The following EPB41L4A variants were observed in gnomAD, a reference collection of about 807,000 sequenced individuals.
The protein encoded by EPB41L4A is erythrocyte membrane protein band 4.1 like 4A.
EPB41L4A carries 100 observed loss-of-function variants against 108.6 expected under a neutral mutation model. That is an observed-to-expected ratio of 0.92 (90% CI 0.78 to 1.09). The LOEUF (loss-of-function observed/expected upper bound fraction) is 1.09, where lower values mean the gene tolerates loss of function less well. Ranked by LOEUF, EPB41L4A falls within the 50% of genes least tolerant of loss-of-function variation. The pLI is 0.00. For missense variants in EPB41L4A, 1,030 were observed against 842.7 expected, an observed-to-expected ratio of 1.22 and a Z score of -2.75; for synonymous variants, 319 against 289.0, an observed-to-expected ratio of 1.10 and a Z score of -1.05.
chr5:112,259,729 T>A (rs747462865), intron 8 of EPB41L4A, among the ~76,000 whole-genome samples, 162 bp downstream of exon 8: 2 of 152,178 alleles, frequency 1.3e-5, no homozygotes, highest in Non-Finnish European at 2.9e-5. Context: ...AGAGAAAACA[T>A]ATGCTGAGGT....
downstream of EPB41L4A, chr5:112,161,326 G>A (rs1759886897): frequency 2.7e-6 from 1 of 366,094 alleles, no homozygotes; most frequent in Non-Finnish European, 5.4e-6. Flanking sequence ...AAGACCAGTC[G>A]CCATTTAAAA....
At chr5:112,322,246 A>G (rs1345246080) in intron 1 of EPB41L4A, among the ~76,000 whole-genome samples, 1 of 152,208 alleles carries the variant, frequency 6.6e-6, no homozygotes, top group Non-Finnish European at 1.5e-5. Flanking sequence ...TATTTTCCTC[A>G]TTTTAGAGAC....
At chr5:112,168,008 AC>A (rs1760356229) in intron 22 of EPB41L4A, among the ~76,000 whole-genome samples, 1 of 152,222 alleles carries the variant, frequency 6.6e-6, no homozygotes, top group South Asian at 2.1e-4. Context: ...CCACAACACG[AC>A]GAACAACGGG....
rs184815023 is a variant in EPB41L4A, at chr5:112,151,362, T to C, written n.995-5364A>G. On this transcript the variant is annotated intron_variant and non_coding_transcript_variant, in intron 12 of 13. Coordinates refer to the EPB41L4A transcript ENST00000507810. ...TCTAAGGTCCTTGTTTTTTTTTTTA[T>C]TCAAGAAGAGGATAAATATATATTT... 2.0e-3 allele frequency among the ~76,000 whole-genome samples: 286 copies of C among 146,380 alleles called. 1 individual carries two copies. The highest frequency in any genetic ancestry group is 6.9e-3 in the African/African-American group (264 of 38,272).
rs780273943 is a variant in EPB41L4A, at chr5:112,170,329, A to G, written c.1711T>C (p.Leu571=). Residue 571 remains leucine, a synonymous_variant, in exon 20 of 23, where the codon TTA becomes CTA. Transcript: ENST00000261486. ...ATTTTAGTGTATGGAATCTCTTTTAATTGTTCTTCGGACAATCCGGATGGA... is the reference window on the plus strand; with the variant it reads ...ATTTTAGTGTATGGAATCTCTTTTAGTTGTTCTTCGGACAATCCGGATGGA... ...VDPSGLSEEQ[L]KEIPYTKIET... 7 of 1,613,336 alleles carry G rather than the reference A, an allele frequency of 4.3e-6. No homozygotes were observed. The highest frequency in any genetic ancestry group is 5.1e-6 in the Non-Finnish European group (6 of 1,179,682).
At chr5:112,313,046 T>C (rs923853334) in intron 1 of EPB41L4A, among the ~76,000 whole-genome samples, 3 of 152,226 alleles carry the variant, frequency 2.0e-5, no homozygotes, top group Admixed American at 6.5e-5. Context: ...ATTTATTTAT[T>C]GCCTAATACC....
Position 112,233,116 on chromosome 5 carries a change from A to C in EPB41L4A, c.1087+1518T>G, listed in dbSNP as rs147096133. On this transcript the variant is annotated intron_variant, in intron 12 of 22. Transcript: ENST00000261486. ...TAAATTGTCAAACACAAGAATACTC[A>C]CAGCAAGAAAAAGGAATGTGCTTTA... Among the ~76,000 whole-genome samples the C allele has an allele frequency of 3.9e-3, 601 of 152,376 alleles. 3 individuals are homozygous for C. The highest frequency in any genetic ancestry group is 6.4e-3 in the Non-Finnish European group (437 of 68,044).
intron 9 of EPB41L4A, among the ~76,000 whole-genome samples, chr5:112,244,208 A>T: frequency 6.6e-6 from 1 of 152,214 alleles, no homozygotes; most frequent in East Asian, 1.9e-4. Context: ...AAGGACAGGG[A>T]GAGAGACAGG....
intron 2 of EPB41L4A, among the ~76,000 whole-genome samples, chr5:112,298,163 GAAT>G (rs1754129522): frequency 6.6e-6 from 1 of 152,100 alleles, no homozygotes; most frequent in Non-Finnish European, 1.5e-5. Flanking sequence ...GTTCTGTGAA[GAAT>G]GATGGTGGTA....
At chr5:112,245,851 C>A (rs552022634) in intron 9 of EPB41L4A, among the ~76,000 whole-genome samples, 2 of 152,174 alleles carry the variant, frequency 1.3e-5, no homozygotes, top group South Asian at 4.1e-4. Context: ...TGAGAGAGGT[C>A]CAAACATACC....
intron 1 of EPB41L4A, among the ~76,000 whole-genome samples, chr5:112,371,069 A>G (rs2112543399): frequency 6.6e-6 from 1 of 152,364 alleles, no homozygotes; most frequent in Non-Finnish European, 1.5e-5. Flanking sequence ...CTGTAGAAAT[A>G]AAAGACAAGC....
At chr5:112,370,667 C>A (rs1451237164) in intron 1 of EPB41L4A, among the ~76,000 whole-genome samples, 1 of 152,198 alleles carries the variant, frequency 6.6e-6, no homozygotes, top group Non-Finnish European at 1.5e-5. Context: ...GTATTCCCAG[C>A]ACTTTGGGAG....
In EPB41L4A at chr5:112,235,961, T is replaced by C. The variant is rs373725365; in HGVS notation, c.966-1206A>G. On this transcript the variant is annotated intron_variant, in intron 11 of 22. Transcript: ENST00000261486. ...AGGATAACATAGATTTCCAAAAAGCTAAAAATCCCCATAAAGTGAAAAGTT... is the reference window on the plus strand; with the variant it reads ...AGGATAACATAGATTTCCAAAAAGCCAAAAATCCCCATAAAGTGAAAAGTT... 6.6e-5 allele frequency among the ~76,000 whole-genome samples: 10 copies of C among 152,262 alleles called. No individual in the cohort carries two copies. In the South Asian group the frequency reaches 1.9e-3, roughly 28 times the overall value.
rs772053402 is a variant in EPB41L4A, at chr5:112,209,971, T to C, written c.1099A>G (p.Ile367Val). The change falls in exon 13 of 23, where the codon ATC becomes GTC. Residue 367 changes from isoleucine (I) to valine (V), a missense_variant. Coordinates refer to ENST00000261486, the MANE Select transcript of EPB41L4A (RefSeq NM_022140.5). ...AQTQPAESNS[I>V]SRITANMENG... ...TCCATGTTTGCAGTTATCCTACTGA[T>C]GCTGTTTGATTCTAGCAGAGGAGGA... is the stretch of plus-strand genomic sequence containing the variant. The C allele has an allele frequency of 1.9e-6, 3 of 1,587,060 alleles. No individual in the cohort carries two copies. The highest frequency in any genetic ancestry group is 2.7e-5 in the African/African-American group (2 of 74,358).
At chr5:112,202,455 C>G (rs1401668293) in intron 15 of EPB41L4A, among the ~76,000 whole-genome samples, 1 of 152,112 alleles carries the variant, frequency 6.6e-6, no homozygotes, top group East Asian at 1.9e-4. Flanking sequence ...CTACTTAATC[C>G]CCCTCTGCTA....
intron 11 of EPB41L4A, among the ~76,000 whole-genome samples, chr5:112,236,846 A>G (rs952649429): frequency 2.0e-5 from 3 of 152,200 alleles, no homozygotes; most frequent in African/African-American, 7.2e-5. Context: ...TCATCTATAT[A>G]AAGGGGGATA....
chr5:112,314,505 T>TAAC (rs1755283253), intron 1 of EPB41L4A, among the ~76,000 whole-genome samples: 1 of 55,186 alleles, frequency 1.8e-5, no homozygotes, highest in African/African-American at 8.0e-5. Flanking sequence ...CCATCGCTAC[T>TAAC]AAAAAAAAAA....
At chr5:112,146,848 C>T (rs17651399) in intron 12 of EPB41L4A, among the ~76,000 whole-genome samples, 1,807 of 152,276 alleles carry the variant, frequency 0.012, 22 homozygotes, top group Middle Eastern at 0.041. Flanking sequence ...ATGTTTCATA[C>T]TTGTCTGAAT....
chr5:112,401,879 G>A (rs1459745063), intron 1 of EPB41L4A, among the ~76,000 whole-genome samples: 3 of 152,184 alleles, frequency 2.0e-5, no homozygotes, highest in African/African-American at 7.2e-5. Flanking sequence ...CTAGCAACTT[G>A]GCATGTCTAA....
Sources: allele counts gnomAD v4.1 joint callset (sites outside exome capture counted in the v4.1 genomes callset), GRCh38; gene constraint gnomAD v4.1.1; transcripts MANE v1.5; gene names NCBI Gene and HGNC (gene_info 2026-07-23, HGNC 2026-07-21).